The following RNLS variants were observed in gnomAD, a reference collection of about 807,000 sequenced individuals.
RNLS encodes the protein renalase, FAD dependent amine oxidase.
RNLS carries 39 observed loss-of-function variants against 39.8 expected under a neutral mutation model. The observed-to-expected ratio is 0.98, with a 90% CI of 0.76 to 1.28. The LOEUF is 1.28. Among genes scored for constraint, RNLS ranks in the 50% most tolerant of loss-of-function variants. The probability of loss-of-function intolerance (pLI) is 0.00; values close to 1 mark genes in which losing one functional copy is unlikely to be tolerated. For synonymous variants in RNLS, 147 were observed against 150.7 expected (o/e 0.98, Z 0.18); for missense variants, 410 against 413.3 (o/e 0.99, Z 0.07).
At chr10:88,220,516 T>G in the RNLS span, among the ~76,000 whole-genome samples, 1 of 152,222 alleles carries the variant, frequency 6.6e-6, no homozygotes, top group Non-Finnish European at 1.5e-5. Context: ...CAGTCTTCCT[T>G]TGATAGATGA....
At chr10:88,548,359 A>G (rs992614055) in intron 4 of RNLS, among the ~76,000 whole-genome samples, 1 of 148,766 alleles carries the variant, frequency 6.7e-6, no homozygotes, top group Non-Finnish European at 1.5e-5. Flanking sequence ...TAATAGAATC[A>G]TATGTAAAAA....
chr10:88,312,030 T>C (rs1246967143), intron 6 of RNLS, among the ~76,000 whole-genome samples: 1 of 152,086 alleles, frequency 6.6e-6, no homozygotes, highest in East Asian at 1.9e-4. Context: ...CATCAAGGGA[T>C]TTGGGAGAAA....
In RNLS at chr10:88,284,143, CAT is replaced by C. The variant is rs1309360886; in HGVS notation, c.*1209_*1210del. On this transcript the variant is annotated 3_prime_UTR_variant, in exon 7 of 7. Transcript: ENST00000331772. ...TCACCAATTTATTGCTAAGAGGAAA[CAT>C]ATAATAATATGCTATAGGGTCATAA... 1.0e-6 allele frequency: 1 copy of C among 985,044 alleles called. No individual in the cohort carries two copies. Among genetic ancestry groups the C allele is most frequent in the Non-Finnish European group, 1.2e-6 (1 of 829,828 alleles). The allele number at this position is 985,044 out of a possible 1,614,324, so 61.0% of individuals were successfully genotyped here. A position where few individuals can be genotyped will look rare whatever the true frequency, so the allele number is the denominator to read the frequency against.
At chr10:88,323,758 TTTAA>T (rs1254284370) in intron 5 of RNLS, among the ~76,000 whole-genome samples, 1 of 151,974 alleles carries the variant, frequency 6.6e-6, no homozygotes, top group Admixed American at 6.6e-5. Context: ...ACAAATGGGA[TTTAA>T]TTAAACTAAT....
chr10:88,503,801 G>C (rs1198187790), intron 4 of RNLS, among the ~76,000 whole-genome samples: 6 of 152,234 alleles, frequency 3.9e-5, no homozygotes, highest in African/African-American at 1.4e-4. Flanking sequence ...GGCTGGACGT[G>C]GTGACTCACT....
chr10:88,314,180 C>T (rs904577171), intron 6 of RNLS, among the ~76,000 whole-genome samples: 4 of 152,178 alleles, frequency 2.6e-5, no homozygotes, highest in Admixed American at 1.3e-4. Context: ...GAGATATAAC[C>T]TGCCTTATCT....
chr10:88,177,655 C>T, the RNLS span, among the ~76,000 whole-genome samples: 1 of 152,138 alleles, frequency 6.6e-6, no homozygotes, highest in Non-Finnish European at 1.5e-5. Flanking sequence ...CTTGCTTCTT[C>T]ATATTTCTTG....
chr10:88,248,290 C>A, the RNLS span, among the ~76,000 whole-genome samples: 129,121 of 152,220 alleles, frequency 0.85, 54,873 homozygotes, highest in African/African-American at 0.91. Context: ...AAATGTTATA[C>A]ATAGTGGCAA....
At chr10:88,518,362 C>T (rs1373508086) in intron 4 of RNLS, among the ~76,000 whole-genome samples, 1 of 151,418 alleles carries the variant, frequency 6.6e-6, no homozygotes, top group Non-Finnish European at 1.5e-5. Flanking sequence ...TCTACATTAA[C>T]ATTGAAGGAA....
the RNLS span, among the ~76,000 whole-genome samples, chr10:88,219,557 C>T: frequency 1.5e-3 from 227 of 152,300 alleles, 1 homozygote; most frequent in African/African-American, 5.1e-3. Flanking sequence ...GTTTCTACCT[C>T]ATTTTCAGGA....
downstream of RNLS, among the ~76,000 whole-genome samples, chr10:88,272,756 T>C (rs1409002350): frequency 6.6e-6 from 1 of 152,206 alleles, no homozygotes; most frequent in African/African-American, 2.4e-5. Context: ...TTCGTTTTTT[T>C]AAGATAGATA....
chr10:88,579,351 A>T (rs971003748), intron 3 of RNLS, among the ~76,000 whole-genome samples: 1 of 152,188 alleles, frequency 6.6e-6, no homozygotes, highest in Non-Finnish European at 1.5e-5. Flanking sequence ...AGTTTTTACA[A>T]AGGAAGGCAG....
intron 4 of RNLS, among the ~76,000 whole-genome samples, chr10:88,505,341 A>G (rs1281658192): frequency 6.6e-6 from 1 of 151,964 alleles, no homozygotes; most frequent in Admixed American, 6.6e-5. Flanking sequence ...GGAGGTAAAA[A>G]GAGGGAAAGG....
intron 4 of RNLS, among the ~76,000 whole-genome samples, chr10:88,434,281 T>C (rs1252877576): frequency 6.6e-6 from 1 of 152,024 alleles, no homozygotes; most frequent in Non-Finnish European, 1.5e-5. Flanking sequence ...CTCCCAACAG[T>C]GTAAGGGTGT....
intron 5 of RNLS, among the ~76,000 whole-genome samples, chr10:88,321,167 C>T (rs959835637): frequency 6.6e-6 from 1 of 152,052 alleles, no homozygotes; most frequent in Non-Finnish European, 1.5e-5. Flanking sequence ...CACATAAGAA[C>T]ATGGAAACCA....
intron 4 of RNLS, among the ~76,000 whole-genome samples, chr10:88,527,164 A>G (rs1222512344): frequency 6.6e-6 from 1 of 152,168 alleles, no homozygotes; most frequent in East Asian, 1.9e-4. Flanking sequence ...GAATTAAGTG[A>G]AAGTCTACAG....
At chr10:88,244,242 AACTGCCCAGGGCGCTGCCC>A in the RNLS span, among the ~76,000 whole-genome samples, 1 of 152,332 alleles carries the variant, frequency 6.6e-6, no homozygotes, top group African/African-American at 2.4e-5. Context: ...AGTAGGACAT[AACTGCCCAGGGCGCTGCCC>A]ACTCCCTCCT....
intron 4 of RNLS, among the ~76,000 whole-genome samples, chr10:88,550,891 T>C (rs898020344): frequency 2.0e-5 from 3 of 152,182 alleles, no homozygotes; most frequent in African/African-American, 4.8e-5. Context: ...AGGAGAAAGA[T>C]GAAGTCCAGA....
intron 4 of RNLS, among the ~76,000 whole-genome samples, chr10:88,532,739 T>C (rs1239988225): frequency 6.6e-6 from 1 of 152,006 alleles, no homozygotes; most frequent in African/African-American, 2.4e-5. Flanking sequence ...ACAGTATCAA[T>C]ACTAATCTTC....
Sources: gnomAD v4.1 joint callset for allele counts (sites outside exome capture counted in the v4.1 genomes callset) on GRCh38, gnomAD v4.1.1 for gene constraint, MANE v1.5 for transcripts, NCBI Gene and HGNC (gene_info 2026-07-23, HGNC 2026-07-21) for gene names.